The following COBL variants were observed in gnomAD, a reference collection of about 807,000 sequenced individuals.
COBL encodes protein cordon-bleu.
In COBL, 51 loss-of-function variants were observed where a neutral mutation model predicts 98.8. The ratio of observed to expected loss-of-function variants is 0.52; its 90% CI spans 0.41 to 0.65. COBL has a LOEUF of 0.65. COBL is among the 30% of genes least tolerant of loss of function. The pLI is 0.00. For synonymous variants in COBL, 634 were observed against 651.7 expected (o/e 0.97, Z 0.41); for missense variants, 1,617 against 1,617.5 (o/e 1.00, Z 0.01).
chr7:51,308,224 G>C (rs1012010644), intron 1 of COBL, among the ~76,000 whole-genome samples: 1 of 152,158 alleles, frequency 6.6e-6, no homozygotes, highest in African/African-American at 2.4e-5. Context: ...TGTATTTAGA[G>C]ACTAAAAAAT....
chr7:51,191,964 C>T (rs1439967917), intron 3 of COBL, among the ~76,000 whole-genome samples: 3 of 152,146 alleles, frequency 2.0e-5, no homozygotes, highest in African/African-American at 4.8e-5. Context: ...GGAGAAAAGA[C>T]GGAACCTACT....
chr7:51,121,700 C>T (rs1258188813), intron 6 of COBL, among the ~76,000 whole-genome samples: 1 of 152,134 alleles, frequency 6.6e-6, no homozygotes, highest in African/African-American at 2.4e-5. Flanking sequence ...GCCTCAAAGA[C>T]AGGAATTGGA....
At chr7:51,235,719 C>T (rs1217475274) in intron 1 of COBL, among the ~76,000 whole-genome samples, 2 of 152,162 alleles carry the variant, frequency 1.3e-5, no homozygotes, top group Non-Finnish European at 2.9e-5. Context: ...CTGAAGTTAA[C>T]AGTCTGAGAG....
At chr7:51,251,437 A>G (rs140204770) in intron 1 of COBL, among the ~76,000 whole-genome samples, 2 of 152,210 alleles carry the variant, frequency 1.3e-5, no homozygotes, top group African/African-American at 4.8e-5. Context: ...AGGTGTGACA[A>G]CTTAAACCAC....
Position 51,085,265 on chromosome 7 carries a change from G to A in COBL, c.997C>T (p.Arg333Trp), listed in dbSNP as rs368428774. 14 of 1,585,006 alleles carry A rather than the reference G, an allele frequency of 8.8e-6. No individual in the cohort carries two copies. Among genetic ancestry groups the A allele is most frequent in the South Asian group, 3.3e-5 (3 of 90,198 alleles). ...GSQIDLQKKK[R>W]RAPAPPPPQP... The stretch of plus-strand genomic sequence containing the variant: ...GGTGGAGGGGGAGCTGGCGCTCGCC[G>A]CTTCTTCTTCTGTAAATCAATCTGT... Residue 333 changes from arginine (R) to tryptophan (W), a missense_variant, in exon 7 of 13, where the codon CGG (arginine) becomes TGG (tryptophan). By Grantham distance (101) the Arg-to-Trp change is moderately radical. Around this residue, in one of 3 missense-constraint regions of COBL, gnomAD observed 1,304 missense variants for 1,282.0 expected, o/e 1.02. Coordinates refer to ENST00000265136, the MANE Select transcript of COBL (RefSeq NM_015198.5).
At chr7:51,021,992 A>T (rs748952091) in intron 12 of COBL, among the ~76,000 whole-genome samples, 10 of 152,158 alleles carry the variant, frequency 6.6e-5, no homozygotes, top group Non-Finnish European at 1.2e-4. Flanking sequence ...TGCTGAACAG[A>T]GGCCAGGAGG....
intron 6 of COBL, among the ~76,000 whole-genome samples, chr7:51,123,920 A>C (rs578234898): frequency 1.3e-5 from 2 of 152,260 alleles, no homozygotes; most frequent in South Asian, 4.2e-4. Context: ...TCTTGGATTG[A>C]ATCAGCATCA....
chr7:51,240,746 T>G (rs981083675), intron 1 of COBL, among the ~76,000 whole-genome samples: 2 of 152,130 alleles, frequency 1.3e-5, no homozygotes, highest in Non-Finnish European at 1.5e-5. Context: ...TTTCAGCATG[T>G]TGGCCAGGCT....
chr7:51,219,710 C>T, intron 2 of COBL, 31 bp downstream of exon 2: 1 of 1,601,948 alleles, frequency 6.2e-7, no homozygotes, highest in Non-Finnish European at 8.5e-7. Flanking sequence ...AAAGTGAGTA[C>T]AGCGACTCCT....
At chr7:51,098,080 C>T (rs910492052) in intron 6 of COBL, among the ~76,000 whole-genome samples, 10 of 149,638 alleles carry the variant, frequency 6.7e-5, no homozygotes, top group Non-Finnish European at 1.0e-4. Context: ...AAGACTTGCA[C>T]ACTGAAAACT....
chr7:51,158,649 G>C (rs566268372), intron 5 of COBL, among the ~76,000 whole-genome samples: 1 of 152,118 alleles, frequency 6.6e-6, no homozygotes, highest in Admixed American at 6.5e-5. Flanking sequence ...AACAGAGCAC[G>C]GTGGGAGGCT....
At chr7:51,038,275 A>C (rs1788831693) in intron 8 of COBL, among the ~76,000 whole-genome samples, 1 of 152,194 alleles carries the variant, frequency 6.6e-6, no homozygotes, top group African/African-American at 2.4e-5. Flanking sequence ...GCCATGTATG[A>C]AGCAGGTGCT....
intron 6 of COBL, among the ~76,000 whole-genome samples, chr7:51,101,507 G>C (rs1261416366): frequency 1.3e-5 from 2 of 152,214 alleles, no homozygotes; most frequent in Non-Finnish European, 2.9e-5. Context: ...TGAGGATTTA[G>C]CTTTGGTTTG....
At chr7:51,251,582 T>G (rs897995734) in intron 1 of COBL, among the ~76,000 whole-genome samples, 3 of 152,244 alleles carry the variant, frequency 2.0e-5, no homozygotes, top group Non-Finnish European at 4.4e-5. Flanking sequence ...TCAAGATCCT[T>G]GAAGGCAGGG....
chr7:51,114,055 C>G (rs986940465), intron 6 of COBL, among the ~76,000 whole-genome samples: 1 of 152,232 alleles, frequency 6.6e-6, no homozygotes. Flanking sequence ...ACACTCTGAA[C>G]TGCTGTGAAA....
intron 2 of COBL, among the ~76,000 whole-genome samples, chr7:51,197,417 G>A (rs1466248319): frequency 6.6e-6 from 1 of 152,088 alleles, no homozygotes; most frequent in Non-Finnish European, 1.5e-5. Context: ...TGCATTTGCT[G>A]AGGAGTCTTT....
In COBL at chr7:51,029,137, G is replaced by A. The variant is rs770672012; in HGVS notation, c.1959C>T (p.Gly653=). 6.2e-7 allele frequency: 1 copy of A among 1,614,044 alleles called. No individual in the cohort carries two copies. The highest frequency in any genetic ancestry group is 2.2e-5 in the East Asian group (1 of 44,894). ...CTTGAGTCCTCTCCCCGTCAGCACAGCCATACACTTTGTCTTTCACTTTTG... is the reference window on the plus strand; with the variant it reads ...CTTGAGTCCTCTCCCCGTCAGCACAACCATACACTTTGTCTTTCACTTTTG... ...LNAKVKDKVY[G]CADGERTQAT... Residue 653 remains glycine (G), a synonymous_variant, in exon 10 of 13, where the codon GGC becomes GGT. Transcript: ENST00000265136.
At chr7:51,307,643 C>A (rs1310185287) in intron 1 of COBL, among the ~76,000 whole-genome samples, 1 of 152,192 alleles carries the variant, frequency 6.6e-6, no homozygotes, top group Non-Finnish European at 1.5e-5. Context: ...AGGAAATATT[C>A]CAAACTGACA....
intron 5 of COBL, among the ~76,000 whole-genome samples, chr7:51,146,053 A>T (rs1011714732): frequency 6.6e-6 from 1 of 152,204 alleles, no homozygotes; most frequent in Non-Finnish European, 1.5e-5. Flanking sequence ...GCCTTAGAGC[A>T]TCAGCCATCA....
Sources: allele counts gnomAD v4.1 joint callset (sites outside exome capture counted in the v4.1 genomes callset), GRCh38; gene constraint gnomAD v4.1.1; regional missense constraint gnomAD v4.1.1; transcripts MANE v1.5; gene names NCBI Gene and HGNC (gene_info 2026-07-23, HGNC 2026-07-21).